Variants in UVRAG observed in about 807,000 individuals in gnomAD.
UVRAG encodes UV radiation resistance-associated gene protein.
A neutral mutation model predicts 78.0 loss-of-function variants in UVRAG; 19 were observed. The observed-to-expected ratio is 0.24, with a 90% CI of 0.17 to 0.36. The LOEUF (loss-of-function observed/expected upper bound fraction) is 0.36. UVRAG is among the 10% of genes least tolerant of loss of function. The pLI is 1.00. For missense variants in UVRAG, 740 were observed against 853.8 expected, an observed-to-expected ratio of 0.87 and a Z score of 1.66; for synonymous variants, 323 against 324.6, an observed-to-expected ratio of 1.00 and a Z score of 0.05.
At chr11:75,985,522 A>G (rs181480983) in intron 8 of UVRAG, among the ~76,000 whole-genome samples, 1 of 152,234 alleles carries the variant, frequency 6.6e-6, no homozygotes, top group East Asian at 1.9e-4. Context: ...CTCTTTAATG[A>G]TACCTTTAAA....
Position 76,129,589 on chromosome 11 carries a change from C to T in UVRAG, c.1398-11122C>T, listed in dbSNP as rs142871440. Among the ~76,000 whole-genome samples, 337 of 152,304 alleles carry T rather than the reference C, an allele frequency of 2.2e-3. 2 individuals carry two copies. The highest frequency in any genetic ancestry group is 0.016 in the Admixed American group (246 of 15,290). On this transcript the variant is annotated intron_variant, in intron 14 of 14. Coordinates refer to ENST00000356136, the MANE Select transcript of UVRAG (RefSeq NM_003369.4). Reference sequence around the variant, plus strand: ...GTCACGATAAGCTCTTTGCTTTCTGCGAATGAAACCACTTTTCACTCTTTT... The same window carrying T: ...GTCACGATAAGCTCTTTGCTTTCTGTGAATGAAACCACTTTTCACTCTTTT...
chr11:75,968,062 A>G (rs1271608582), intron 7 of UVRAG, among the ~76,000 whole-genome samples: 2 of 152,172 alleles, frequency 1.3e-5, no homozygotes, highest in Non-Finnish European at 2.9e-5. Flanking sequence ...AAAACACTCC[A>G]ATGAGCATTT....
At chr11:76,074,701 CCA>C (rs1292260764) in intron 13 of UVRAG, among the ~76,000 whole-genome samples, 2 of 152,166 alleles carry the variant, frequency 1.3e-5, no homozygotes, top group Non-Finnish European at 2.9e-5. Context: ...AAAACCAAAT[CCA>C]GTTATATCCT....
At chr11:76,019,295 T>C (rs906422108) in intron 12 of UVRAG, among the ~76,000 whole-genome samples, 1 of 152,256 alleles carries the variant, frequency 6.6e-6, no homozygotes, top group Non-Finnish European at 1.5e-5. Flanking sequence ...TTTTGAATTC[T>C]CTGTCCGAAA....
chr11:75,927,918 G>C (rs773831036), intron 6 of UVRAG, among the ~76,000 whole-genome samples: 1 of 152,056 alleles, frequency 6.6e-6, no homozygotes, highest in Non-Finnish European at 1.5e-5. Context: ...GGAGTGATGT[G>C]ATCTGATTTC....
chr11:75,952,572 C>G (rs1948724161), intron 6 of UVRAG, among the ~76,000 whole-genome samples: 1 of 151,066 alleles, frequency 6.6e-6, no homozygotes, highest in African/African-American at 2.4e-5. Flanking sequence ...AATATTATAC[C>G]AACCTTGTAT....
At position 75,943,655 on chromosome 11, in the gene UVRAG, T is replaced by C. The variant is rs1379980221; in HGVS notation, c.594-17789T>C. ...CATCAGTGTTGTTAGTTTTTGAGGG[T>C]ATGCATATCCTGGTTAGACTTGATG... On this transcript the variant is annotated intron_variant, in intron 6 of 14. Transcript: ENST00000356136. Among the ~76,000 whole-genome samples the C allele has an allele frequency of 2.6e-5, 4 of 152,134 alleles. No individual in the cohort carries two copies. The East Asian group carries it at 7.7e-4, about 29-fold the overall frequency.
At chr11:76,127,674 AGGCCTGGCGT>A (rs1952434566) in intron 14 of UVRAG, among the ~76,000 whole-genome samples, 1 of 144,968 alleles carries the variant, frequency 6.9e-6, no homozygotes, top group Non-Finnish European at 1.5e-5. Context: ...TGAATCAATG[AGGCCTGGCGT>A]GGTAGCTCAC....
chr11:76,137,717 GA>G (rs1447197562), intron 14 of UVRAG: 1 of 305,796 alleles, frequency 3.3e-6, no homozygotes. Context: ...TGTGCAAGAT[GA>G]TGAGATCCTG....
At chr11:75,946,311 T>C (rs1367408354) in intron 6 of UVRAG, among the ~76,000 whole-genome samples, 1 of 152,200 alleles carries the variant, frequency 6.6e-6, no homozygotes, top group Non-Finnish European at 1.5e-5. Context: ...TAAAGATTTA[T>C]AATGTGCAGG....
rs1365141251 is a variant in UVRAG, at chr11:76,141,657, G to A, written c.*244G>A. 5 of 523,314 alleles carry A rather than the reference G, an allele frequency of 9.6e-6. No individual in the cohort carries two copies. Among genetic ancestry groups the A allele is most frequent in the Non-Finnish European group, 1.7e-5 (5 of 295,898 alleles). The allele number at this position is 523,314 out of a possible 1,614,324, so 32.4% of individuals were successfully genotyped here. A position where few individuals can be genotyped will look rare whatever the true frequency, so the allele number is the denominator to read the frequency against. ...ATTTTAAAGCAAAAATCACCCTCTA[G>A]TTGAAAGAGCTTACAGCTCGAGTCA... On this transcript the variant is annotated 3_prime_UTR_variant, in exon 15 of 15. Coordinates refer to ENST00000356136, the MANE Select transcript of UVRAG (RefSeq NM_003369.4).
chr11:75,829,561 G>A (rs1330566032), intron 1 of UVRAG, among the ~76,000 whole-genome samples: 2 of 152,164 alleles, frequency 1.3e-5, no homozygotes, highest in African/African-American at 2.4e-5. Context: ...GGTGCTGGAA[G>A]TAAAACAGCA....
chr11:76,024,614 A>G (rs1008072111), intron 12 of UVRAG, among the ~76,000 whole-genome samples: 3 of 152,196 alleles, frequency 2.0e-5, no homozygotes, highest in African/African-American at 7.2e-5. Flanking sequence ...TTAATGATGC[A>G]TTTTACAATT....
At chr11:76,037,096 G>T (rs935182423) in intron 12 of UVRAG, among the ~76,000 whole-genome samples, 1 of 152,236 alleles carries the variant, frequency 6.6e-6, no homozygotes, top group East Asian at 1.9e-4. Flanking sequence ...TTCCTTGAAG[G>T]CATTTAATAA....
chr11:75,828,756 T>TATATATATATATATACACACAC (rs1945582882), intron 1 of UVRAG, among the ~76,000 whole-genome samples: 3 of 86,038 alleles, frequency 3.5e-5, no homozygotes, highest in African/African-American at 1.7e-4. Flanking sequence ...TACACACACA[T>TATATATATATATATACACACAC]ATATATATAT....
intron 2 of UVRAG, among the ~76,000 whole-genome samples, chr11:75,859,499 A>C (rs1946371409): frequency 6.6e-6 from 1 of 152,064 alleles, no homozygotes; most frequent in Admixed American, 6.5e-5. Flanking sequence ...TGTTTTAAGC[A>C]ATAAAACTTA....
chr11:75,830,454 G>A (rs1003735032), intron 1 of UVRAG, among the ~76,000 whole-genome samples: 11 of 152,054 alleles, frequency 7.2e-5, no homozygotes, highest in African/African-American at 2.4e-4. Context: ...TGTATTTTTA[G>A]TAGAGACTGG....
intron 7 of UVRAG, among the ~76,000 whole-genome samples, chr11:75,983,159 G>A (rs1314243313): frequency 6.6e-6 from 1 of 152,134 alleles, no homozygotes; most frequent in African/African-American, 2.4e-5. Context: ...TGTAGTGTCT[G>A]TTGGGTCCCC....
rs1950411170 is a variant in UVRAG, at chr11:76,030,297, TGCTG to T, written c.1226+13319_1226+13322del. 2.0e-5 allele frequency among the ~76,000 whole-genome samples: 3 copies of T among 152,114 alleles called. 1 individual carries two copies. Among genetic ancestry groups the T allele is most frequent in the Admixed American group, 2.0e-4 (3 of 15,272 alleles). ...ATACTTCTCTCTCACCCTCCCAAAA[TGCTG>T]GGATTACAGCTGTGAGCCACAACAC... On this transcript the variant is annotated intron_variant, in intron 12 of 14. Transcript: ENST00000356136.
Sources: gnomAD v4.1 joint callset for allele counts (sites outside exome capture counted in the v4.1 genomes callset) on GRCh38, gnomAD v4.1.1 for gene constraint, MANE v1.5 for transcripts, NCBI Gene and HGNC (gene_info 2026-07-23, HGNC 2026-07-21) for gene names.